The following CPAMD8 variants were observed in gnomAD, a reference collection of about 807,000 sequenced individuals.
CPAMD8 encodes the protein C3 and PZP like alpha-2-macroglobulin domain containing 8.
In CPAMD8, 146 loss-of-function variants were observed where a neutral mutation model predicts 224.7. That is an observed-to-expected ratio of 0.65 (90% CI 0.57 to 0.75). The LOEUF (loss-of-function observed/expected upper bound fraction) is 0.75, where lower values mean the gene tolerates loss of function less well. CPAMD8 is among the 30% of genes least tolerant of loss of function. The pLI is 0.00. For synonymous variants in CPAMD8, 966 were observed against 1,044.6 expected (o/e 0.92, Z 1.45); for missense variants, 2,301 against 2,537.5 (o/e 0.91, Z 2.00).
intron 18 of CPAMD8, among the ~76,000 whole-genome samples, chr19:16,960,310 C>T (rs896709962): frequency 6.6e-6 from 1 of 152,164 alleles, no homozygotes; most frequent in African/African-American, 2.4e-5. Context: ...CCCGGAAACA[C>T]CCGCAGACGT....
intron 2 of CPAMD8, 91 bp from the exon 3 acceptor site, chr19:17,020,444 T>C: frequency 1.1e-6 from 1 of 941,284 alleles, no homozygotes; most frequent in Non-Finnish European, 1.7e-6. Flanking sequence ...CAAACTTTCT[T>C]AACCCAAAGG....
At chr19:16,972,188 C>T (rs780454471) in intron 17 of CPAMD8, among the ~76,000 whole-genome samples, 38 of 152,092 alleles carry the variant, frequency 2.5e-4, no homozygotes, top group African/African-American at 7.5e-4. Flanking sequence ...TTATTAGAGA[C>T]GGCCTCCATC....
chr19:16,956,497 G>T, intron 19 of CPAMD8, among the ~76,000 whole-genome samples: 1 of 151,862 alleles, frequency 6.6e-6, no homozygotes, highest in Non-Finnish European at 1.5e-5. Flanking sequence ...ATGAGTGCTG[G>T]GACTCTGTCT....
chr19:16,904,176 A>ACCCCCCCCCCCC, intron 32 of CPAMD8, 50 bp downstream of exon 32: 2 of 937,330 alleles, frequency 2.1e-6, no homozygotes, highest in Non-Finnish European at 3.3e-6. Flanking sequence ...GACTGCAGGG[A>ACCCCCCCCCCCC]CCCCACCCAC....
chr19:16,919,567 A>G (rs937023949), intron 27 of CPAMD8, among the ~76,000 whole-genome samples: 6 of 152,248 alleles, frequency 3.9e-5, no homozygotes, highest in Non-Finnish European at 7.3e-5. Flanking sequence ...CCTGATCCAT[A>G]AGAATTAATA....
intron 20 of CPAMD8, among the ~76,000 whole-genome samples, chr19:16,951,603 A>G (rs186916668): frequency 2.7e-3 from 406 of 152,260 alleles, no homozygotes; most frequent in Non-Finnish European, 3.2e-3. Context: ...CCATGCTATC[A>G]TATATGATAC....
chr19:16,969,758 C>T (rs1200495487), intron 18 of CPAMD8, among the ~76,000 whole-genome samples: 1 of 151,286 alleles, frequency 6.6e-6, no homozygotes, highest in African/African-American at 2.4e-5. Flanking sequence ...CATGTAATCC[C>T]AGCTACTCAG....
chr19:16,975,308 C>G, intron 16 of CPAMD8, 50 bp from the exon 17 acceptor site: 1 of 1,497,396 alleles, frequency 6.7e-7, no homozygotes, highest in Non-Finnish European at 9.2e-7. Context: ...TTCTTTACAA[C>G]CCAAACTGGC....
Position 16,967,313 on chromosome 19 carries a change from G to T in CPAMD8, c.2213+3578C>A, listed in dbSNP as rs1293868337. 9.1e-5 allele frequency among the ~76,000 whole-genome samples: 12 copies of T among 131,882 alleles called. No homozygotes were observed. The East Asian group carries it at 2.4e-3, about 26-fold the overall frequency. The allele number at this position is 131,882 out of a possible 152,430, so 86.5% of individuals were successfully genotyped here. ...ATGAGAACACCTGGACACAGGGCGG[G>T]GAACATCACACTCTGGGGCCTGTCG... On this transcript the variant is annotated intron_variant, in intron 18 of 41. Transcript: ENST00000443236.
At chr19:16,983,601 G>C (rs1164794894) in intron 13 of CPAMD8, among the ~76,000 whole-genome samples, 1 of 152,000 alleles carries the variant, frequency 6.6e-6, no homozygotes, top group Non-Finnish European at 1.5e-5. Context: ...GACAAGGAAA[G>C]AATAAAATTT....
At chr19:16,926,117 T>G (rs926160448) in intron 25 of CPAMD8, among the ~76,000 whole-genome samples, 1 of 151,948 alleles carries the variant, frequency 6.6e-6, no homozygotes, top group African/African-American at 2.4e-5. Context: ...GCACTTCAAT[T>G]TTTAAAAAAA....
At position 16,899,526 on chromosome 19, in the gene CPAMD8, C is replaced by T. The variant is rs2052164877; in HGVS notation, c.4797G>A (p.Gly1599=). Residue 1599 remains glycine (G), a synonymous_variant, in exon 37 of 42, where the codon GGG becomes GGA. Coordinates refer to ENST00000443236, the MANE Select transcript of CPAMD8 (RefSeq NM_015692.5). The surrounding 1 kb of genome is among the most constrained non-coding windows in gnomAD (Gnocchi z 5.4). ...LEQLLLDKHM[G]MKRYEVAGRR... is the part of the protein sequence containing the mutation. ...GTCCAGCCACTTCATACCTCTTCAT[C>T]CCCATGTGCTTGTCAAGGAGCAGCT... 2 of 1,567,712 alleles carry T rather than the reference C, an allele frequency of 1.3e-6. No homozygotes were observed. The highest frequency in any genetic ancestry group is 1.8e-6 in the Non-Finnish European group (2 of 1,138,002).
chr19:17,009,039 TGA>T (rs1442176223), intron 6 of CPAMD8: 1 of 493,684 alleles, frequency 2.0e-6, no homozygotes, highest in Non-Finnish European at 3.6e-6. Context: ...GAGGTTGCAG[TGA>T]GCCAAGATCA....
chr19:16,970,750 A>T lies in CPAMD8; in HGVS notation c.2213+141T>A, dbSNP rs112307887. 3.6e-4 allele frequency: 284 copies of T among 796,736 alleles called. 3 individuals are homozygous for T. In the African/African-American group the frequency reaches 3.9e-3, roughly 11 times the overall value. The allele number at this position is 796,736 out of a possible 1,614,324, so 49.4% of individuals were successfully genotyped here. ...TGTTCTTGGACTTCCAAGCCCCAAG[A>T]ACCATGTGAAATAAATTTCAGTTGT... On this transcript the variant is annotated intron_variant, in intron 18 of 41. Coordinates refer to ENST00000443236, the MANE Select transcript of CPAMD8 (RefSeq NM_015692.5).
chr19:16,957,577 T>A (rs1327500866), intron 19 of CPAMD8: 3 of 362,736 alleles, frequency 8.3e-6, no homozygotes, highest in Non-Finnish European at 1.5e-5. Flanking sequence ...TTTAATGAGC[T>A]CGTTATACAA....
At chr19:17,011,197 G>C (rs62126005) in intron 5 of CPAMD8, among the ~76,000 whole-genome samples, 8 of 151,714 alleles carry the variant, frequency 5.3e-5, no homozygotes, top group Admixed American at 5.3e-4. Context: ...ACTCGGTCTT[G>C]GGGAAAAAAA....
intron 18 of CPAMD8, among the ~76,000 whole-genome samples, chr19:16,970,432 C>T (rs372861778): frequency 4.6e-5 from 7 of 150,564 alleles, no homozygotes; most frequent in South Asian, 2.1e-4. Flanking sequence ...ACTAAAAATA[C>T]GAAAATTAGA....
chr19:16,942,689 T>A (rs1370294610), intron 22 of CPAMD8, among the ~76,000 whole-genome samples: 1 of 152,172 alleles, frequency 6.6e-6, no homozygotes, highest in Non-Finnish European at 1.5e-5. Context: ...TCCTCAATGA[T>A]GCCCATCTCT....
At chr19:16,972,768 T>A (rs1240172878) in intron 17 of CPAMD8, among the ~76,000 whole-genome samples, 1 of 152,102 alleles carries the variant, frequency 6.6e-6, no homozygotes, top group Non-Finnish European at 1.5e-5. Context: ...TTCCTTTGAC[T>A]CAAAGGCGTC....
Sources: gnomAD v4.1 joint callset for allele counts (sites outside exome capture counted in the v4.1 genomes callset) on GRCh38, gnomAD v4.1.1 for gene constraint, Gnocchi (gnomAD v3.1) non-coding constraint, MANE v1.5 for transcripts, NCBI Gene and HGNC (gene_info 2026-07-23, HGNC 2026-07-21) for gene names.